The following KIAA2012 variants were observed in gnomAD, a reference collection of about 807,000 sequenced individuals.
The protein encoded by KIAA2012 is KIAA2012.
In KIAA2012, 125 loss-of-function variants were observed where a neutral mutation model predicts 150.6. The observed-to-expected ratio is 0.83, with a 90% CI of 0.72 to 0.96. The LOEUF (loss-of-function observed/expected upper bound fraction) is 0.96, where lower values mean the gene tolerates loss of function less well. Among genes scored for constraint, KIAA2012 ranks in the 40% least tolerant of loss-of-function variants. The probability of loss-of-function intolerance (pLI) is 0.00; values close to 1 mark genes in which losing one functional copy is unlikely to be tolerated. For missense variants in KIAA2012, 1,219 were observed against 1,354.9 expected, an observed-to-expected ratio of 0.90 and a Z score of 1.57; for synonymous variants, 462 against 504.7, an observed-to-expected ratio of 0.92 and a Z score of 1.13.
chr2:202,194,253 G>A lies in KIAA2012; in HGVS notation c.3078G>A (p.Gln1026=), dbSNP rs539567172. The A allele has an allele frequency of 3.2e-6, 5 of 1,550,636 alleles. No individual in the cohort carries two copies. The highest frequency in any genetic ancestry group is 4.4e-6 in the Non-Finnish European group (5 of 1,147,016). The change falls in exon 21 of 24, where the codon CAG becomes CAA. Residue 1026 remains glutamine (Q), a synonymous_variant. Coordinates refer to ENST00000498697, the MANE Select transcript of KIAA2012 (RefSeq NM_001277372.4). Reference sequence around the variant, plus strand: ...AGGAGGAGGAGGAGAGAAAGCAGCAGCTCCGGTTGAAAGCAGCCCAGGAGA... The same window carrying A: ...AGGAGGAGGAGGAGAGAAAGCAGCAACTCCGGTTGAAAGCAGCCCAGGAGA... ...QRQEEEERKQ[Q]LRLKAAQERA... is the part of the protein sequence containing the mutation.
chr2:202,113,468 C>A lies in KIAA2012; in HGVS notation c.1762+22C>A, dbSNP rs775337017. On this transcript the variant is annotated intron_variant, in intron 11 of 23. Coordinates refer to ENST00000498697, the MANE Select transcript of KIAA2012 (RefSeq NM_001277372.4). ...AAAGGTAAGCTAACACATTCCAGGGCAGCCTTGTTTTTTTTTTTTCAAAGG... is the reference window on the plus strand; with the variant it reads ...AAAGGTAAGCTAACACATTCCAGGGAAGCCTTGTTTTTTTTTTTTCAAAGG... The A allele has an allele frequency of 1.6e-4, 239 of 1,473,124 alleles. 1 individual carries two copies. The highest frequency in any genetic ancestry group is 1.1e-4 in the Non-Finnish European group (122 of 1,096,918). 91.3% of individuals were successfully genotyped at this position (1,473,124 alleles called of 1,614,324 possible). A position where few individuals can be genotyped will look rare whatever the true frequency, so the allele number is the denominator to read the frequency against.
At chr2:202,178,157 C>A (rs1692035920) in intron 15 of KIAA2012, among the ~76,000 whole-genome samples, 1 of 151,996 alleles carries the variant, frequency 6.6e-6, no homozygotes, top group South Asian at 2.1e-4. Flanking sequence ...TGAGATGGTG[C>A]CATTGCACTC....
At chr2:202,133,701 C>T (rs1691007809) in intron 12 of KIAA2012, among the ~76,000 whole-genome samples, 1 of 152,164 alleles carries the variant, frequency 6.6e-6, no homozygotes, top group Non-Finnish European at 1.5e-5. Flanking sequence ...TCACCCTCCT[C>T]CTCATTCAGG....
chr2:202,160,932 A>G (rs1263377392), intron 14 of KIAA2012, among the ~76,000 whole-genome samples: 1 of 152,188 alleles, frequency 6.6e-6, no homozygotes, highest in African/African-American at 2.4e-5. Flanking sequence ...AGACTCCTGC[A>G]GCACATGCTC....
Position 202,165,271 on chromosome 2 carries a change from G to A in KIAA2012, c.2047-13G>A, listed in dbSNP as rs201521658. 1.4e-5 allele frequency: 21 copies of A among 1,549,428 alleles called. No individual in the cohort carries two copies. The Middle Eastern group carries it at 8.4e-4, about 62-fold the overall frequency. On this transcript the variant is annotated splice_polypyrimidine_tract_variant and intron_variant, in intron 14 of 23. Transcript: ENST00000498697. ...ATGTCTAATGTATTCTTTGTTGTGT[G>A]TTAACCCAATAGGAAAGTGGAAATG...
intron 14 of KIAA2012, among the ~76,000 whole-genome samples, chr2:202,158,811 G>T (rs1344842470): frequency 6.6e-6 from 1 of 152,016 alleles, no homozygotes; most frequent in Non-Finnish European, 1.5e-5. Context: ...AAATTATCAG[G>T]GTTAGGTCAT....
chr2:202,100,576 G>T, intron 7 of KIAA2012, 127 bp downstream of exon 7: 2 of 1,088,268 alleles, frequency 1.8e-6, no homozygotes, highest in South Asian at 1.9e-5. Context: ...CCTCTCTAGC[G>T]TCTGAGCTGA....
intron 13 of KIAA2012, among the ~76,000 whole-genome samples, chr2:202,143,384 C>G: frequency 6.6e-6 from 1 of 151,804 alleles, no homozygotes; most frequent in East Asian, 1.9e-4. Context: ...CCGTGCCCAG[C>G]CTGATTTAAC....
intron 12 of KIAA2012, among the ~76,000 whole-genome samples, chr2:202,134,103 G>C (rs1298662201): frequency 6.6e-6 from 1 of 152,140 alleles, no homozygotes; most frequent in Non-Finnish European, 1.5e-5. Flanking sequence ...TCCTGCTGGG[G>C]CCAGCAAGTC....
At chr2:202,132,679 CAT>C (rs1293251232) in intron 12 of KIAA2012, among the ~76,000 whole-genome samples, 7 of 76,274 alleles carry the variant, frequency 9.2e-5, no homozygotes, top group South Asian at 4.3e-4. Context: ...TCACAAAATA[CAT>C]ATATATATAT....
chr2:202,175,749 T>C (rs1407577418), intron 15 of KIAA2012, among the ~76,000 whole-genome samples: 2 of 152,194 alleles, frequency 1.3e-5, no homozygotes, highest in African/African-American at 4.8e-5. Flanking sequence ...TTTATGGTAT[T>C]TTGTTATAGC....
chr2:202,100,466 T>C lies in KIAA2012; in HGVS notation c.1155+17T>C, dbSNP rs1024244584. The C allele has an allele frequency of 7.1e-6, 11 of 1,542,646 alleles. No individual in the cohort carries two copies. The East Asian group carries it at 2.5e-4, about 34-fold the overall frequency. On this transcript the variant is annotated intron_variant, in intron 7 of 23. Transcript: ENST00000498697. ...AAGAAAAAGGTTGTGTGTATATGTATGTTTGTGCATACAGGAGAGAGAGAG... is the reference window on the plus strand; with the variant it reads ...AAGAAAAAGGTTGTGTGTATATGTACGTTTGTGCATACAGGAGAGAGAGAG...
At chr2:202,174,022 A>G (rs1347553113) in intron 15 of KIAA2012, among the ~76,000 whole-genome samples, 1 of 152,044 alleles carries the variant, frequency 6.6e-6, no homozygotes, top group African/African-American at 2.4e-5. Flanking sequence ...CTGGAGTGCA[A>G]CGGCACGATC....
intron 12 of KIAA2012, among the ~76,000 whole-genome samples, chr2:202,133,109 A>AAAATATAT (rs766606713): frequency 6.6e-4 from 58 of 87,868 alleles, no homozygotes; most frequent in African/African-American, 2.0e-3. Context: ...TCTAAAAAAA[A>AAAATATAT]ATATATATAT....
chr2:202,155,348 A>C (rs1278989766), intron 14 of KIAA2012, among the ~76,000 whole-genome samples: 5 of 152,178 alleles, frequency 3.3e-5, no homozygotes, highest in African/African-American at 1.2e-4. Context: ...GCATTTGTCC[A>C]TCTTTGCAAT....
At chr2:202,129,311 C>G in intron 12 of KIAA2012, among the ~76,000 whole-genome samples, 1 of 151,658 alleles carries the variant, frequency 6.6e-6, no homozygotes, top group East Asian at 1.9e-4. Flanking sequence ...CCTTCATCTC[C>G]CAGGTTCAAG....
rs1417393774 is a variant in KIAA2012 at position 202,120,126 on chromosome 2, G to T, written c.1763-5088G>T. Among the ~76,000 whole-genome samples, 3 of 152,156 alleles carry T rather than the reference G, an allele frequency of 2.0e-5. No individual in the cohort carries two copies. The East Asian group carries it at 5.8e-4, about 29-fold the overall frequency. Reference sequence around the variant, plus strand: ...GAGTCCAATTAAACCTCTTTCTTTTGTAAATTGCCTAGTTCCAGTTATGTC... The same window carrying T: ...GAGTCCAATTAAACCTCTTTCTTTTTTAAATTGCCTAGTTCCAGTTATGTC... On this transcript the variant is annotated intron_variant, in intron 11 of 23. Coordinates refer to ENST00000498697, the MANE Select transcript of KIAA2012 (RefSeq NM_001277372.4).
chr2:202,111,509 CAAAAAAAAAAA>C (rs71025277), intron 10 of KIAA2012, among the ~76,000 whole-genome samples: 3 of 57,628 alleles, frequency 5.2e-5, no homozygotes, highest in African/African-American at 2.8e-4. Flanking sequence ...GACTCTGTCT[CAAAAAAAAAAA>C]AAAAAAAAAA....
At chr2:202,094,801 G>A (rs1284890717) in intron 4 of KIAA2012, among the ~76,000 whole-genome samples, 7 of 152,176 alleles carry the variant, frequency 4.6e-5, no homozygotes, top group Non-Finnish European at 1.5e-5. Context: ...TTACAGGCAT[G>A]AGTCACCGCT....
Sources: gnomAD v4.1 joint callset for allele counts (sites outside exome capture counted in the v4.1 genomes callset) on GRCh38, gnomAD v4.1.1 for gene constraint, MANE v1.5 for transcripts, NCBI Gene and HGNC (gene_info 2026-07-23, HGNC 2026-07-21) for gene names.